The following FAT3 variants were observed in gnomAD, a reference collection of about 807,000 sequenced individuals.
FAT3 encodes the protein FAT atypical cadherin 3.
In FAT3, 95 loss-of-function variants were observed where a neutral mutation model predicts 310.2. The observed-to-expected ratio is 0.31, with a 90% CI of 0.26 to 0.36. The LOEUF (loss-of-function observed/expected upper bound fraction) is 0.36. Ranked by LOEUF, FAT3 falls within the 10% of genes least tolerant of loss-of-function variation. The pLI is 1.00. For synonymous variants in FAT3, 2,314 were observed against 2,192.9 expected (o/e 1.06, Z -1.54); for missense variants, 5,408 against 5,715.6 (o/e 0.95, Z 1.74).
chr11:92,764,827 T>C, intron 5 of FAT3, 52 bp from the exon 6 acceptor site: 2 of 1,552,686 alleles, frequency 1.3e-6, no homozygotes, highest in Admixed American at 1.8e-5. Context: ...ATCCAAACTC[T>C]ACAACAATCA....
At chr11:92,885,648 A>C (rs1949779074) in intron 24 of FAT3, among the ~76,000 whole-genome samples, 1 of 152,158 alleles carries the variant, frequency 6.6e-6, no homozygotes, top group African/African-American at 2.4e-5. Flanking sequence ...TTGCCAATCC[A>C]CTAGCTAATA....
chr11:92,857,133 C>G, intron 19 of FAT3, 81 bp from the exon 20 acceptor site: 1 of 1,604,386 alleles, frequency 6.2e-7, no homozygotes, highest in Non-Finnish European at 8.5e-7. Context: ...TGTGTGTTCC[C>G]TTTGAACCTT....
At chr11:92,722,848 T>C (rs1385790862) in intron 4 of FAT3, among the ~76,000 whole-genome samples, 1 of 152,168 alleles carries the variant, frequency 6.6e-6, no homozygotes, top group East Asian at 1.9e-4. Context: ...CAGCCATGGC[T>C]AGGGTGGCTA....
intron 3 of FAT3, among the ~76,000 whole-genome samples, chr11:92,695,345 C>T (rs947475966): frequency 6.6e-6 from 1 of 152,010 alleles, no homozygotes; most frequent in Non-Finnish European, 1.5e-5. Context: ...TTTTACGTTT[C>T]CCTGGTGATT....
In FAT3 at chr11:92,730,041, A is replaced by C. The variant is rs182537318; in HGVS notation, c.3670-31815A>C. On this transcript the variant is annotated intron_variant, in intron 4 of 27. Transcript: ENST00000525166. ...ATAAAACATACATAACATATATAAA[A>C]ATTGATTAAAATTAATGTATTTGGG... Among the ~76,000 whole-genome samples the C allele has an allele frequency of 3.0e-3, 459 of 152,194 alleles. 3 individuals carry two copies. Among genetic ancestry groups the C allele is most frequent in the African/African-American group, 0.01 (428 of 41,512 alleles).
intron 2 of FAT3, among the ~76,000 whole-genome samples, chr11:92,445,252 C>T (rs1951182429): frequency 6.6e-6 from 1 of 152,158 alleles, no homozygotes; most frequent in South Asian, 2.1e-4. Context: ...AGCTCTCAAG[C>T]CCAGCTGTGT....
Position 92,354,751 on chromosome 11 carries a change from A to T in FAT3, c.2639A>T (p.Asn880Ile). The change falls in exon 2 of 28, where the codon AAT (asparagine) becomes ATT (isoleucine). Residue 880 changes from asparagine to isoleucine, a missense_variant. Physicochemically the swap from Asn to Ile is moderately radical, Grantham distance 149 (BLOSUM62 -3). Transcript: ENST00000525166. ...ACAGATACACAGCAGTTTGCCATCA[A>T]TAGCTCAACTGGAATCGTTTATGTA... is the stretch of plus-strand genomic sequence containing the variant. ...VLTDTQQFAI[N>I]SSTGIVYVAD... 1 of 1,613,960 alleles carries T rather than the reference A, an allele frequency of 6.2e-7. No homozygotes were observed. Among genetic ancestry groups the T allele is most frequent in the Non-Finnish European group, 8.5e-7 (1 of 1,179,874 alleles).
chr11:92,659,562 T>C (rs1942702830), intron 3 of FAT3, among the ~76,000 whole-genome samples: 1 of 152,212 alleles, frequency 6.6e-6, no homozygotes, highest in Non-Finnish European at 1.5e-5. Context: ...ATTATCCCTA[T>C]TTTGCAGATG....
In FAT3 at chr11:92,892,074, A is replaced by G. The variant is rs1949927712; in HGVS notation, c.*961A>G. The G allele has an allele frequency of 6.6e-6, 1 of 152,260 alleles. No individual in the cohort carries two copies. The highest frequency in any genetic ancestry group is 2.1e-4 in the South Asian group (1 of 4,832). The allele number at this position is 152,260 out of a possible 1,614,324, so 9.4% of individuals were successfully genotyped here. On this transcript the variant is annotated 3_prime_UTR_variant, in exon 28 of 28. Transcript: ENST00000525166. ...AGATAATCACAATTCTTCATAATGC[A>G]GAGGAAAGGTGTCTGTTATTCTAAA...
intron 3 of FAT3, among the ~76,000 whole-genome samples, chr11:92,680,381 A>G (rs1208028130): frequency 6.6e-6 from 1 of 152,160 alleles, no homozygotes; most frequent in Non-Finnish European, 1.5e-5. Context: ...TTCTCAATGT[A>G]TGTTCTTGTC....
chr11:92,764,049 T>C lies in FAT3; in HGVS notation c.3985-830T>C, dbSNP rs559738312. ...TTTAAAAATTTATTTTTATTTTTGT[T>C]TTGCTTTGGCTTTTGCTTCTTGAAG... On this transcript the variant is annotated intron_variant, in intron 5 of 27. Transcript: ENST00000525166. Among the ~76,000 whole-genome samples, 69 of 152,268 alleles carry C rather than the reference T, an allele frequency of 4.5e-4. 1 individual carries two copies. In the South Asian group the frequency reaches 0.014, roughly 31 times the overall value.
At chr11:92,715,739 G>C (rs1250892560) in intron 4 of FAT3, among the ~76,000 whole-genome samples, 2 of 152,142 alleles carry the variant, frequency 1.3e-5, no homozygotes, top group Non-Finnish European at 2.9e-5. Flanking sequence ...GTGCTATAAA[G>C]TTAATGGCTG....
chr11:92,609,515 A>G (rs1476523888), intron 3 of FAT3, among the ~76,000 whole-genome samples: 1 of 152,240 alleles, frequency 6.6e-6, no homozygotes, highest in Non-Finnish European at 1.5e-5. Flanking sequence ...TTTTGAATTT[A>G]TGAAAAACAA....
chr11:92,771,420 T>A (rs1303747114), intron 6 of FAT3, among the ~76,000 whole-genome samples: 1 of 150,924 alleles, frequency 6.6e-6, no homozygotes, highest in African/African-American at 2.4e-5. Context: ...GCTTAAGTGG[T>A]AGGTTATTAA....
chr11:92,474,633 G>A (rs1020520482), intron 2 of FAT3, among the ~76,000 whole-genome samples: 6 of 152,168 alleles, frequency 3.9e-5, no homozygotes, highest in East Asian at 1.9e-4. Context: ...GGAGACTCCA[G>A]GAGCTCAGAG....
In FAT3 at chr11:92,774,494, A is replaced by G. The variant is rs917075171; in HGVS notation, c.4335+314A>G. Among the ~76,000 whole-genome samples the G allele has an allele frequency of 1.4e-4, 21 of 152,212 alleles. 1 individual carries two copies. The highest frequency in any genetic ancestry group is 6.5e-5 in the Admixed American group (1 of 15,288). On this transcript the variant is annotated intron_variant, in intron 7 of 27. Transcript: ENST00000525166. ...TCCTTGAATTTACAAAGAGGAGGAC[A>G]TCTATATTGCTTGAGTTAACACACC...
intron 4 of FAT3, among the ~76,000 whole-genome samples, chr11:92,731,721 G>T (rs1037804365): frequency 6.6e-6 from 1 of 151,072 alleles, no homozygotes; most frequent in Non-Finnish European, 1.5e-5. Flanking sequence ...AAGCCCTTAA[G>T]GCAGTAAGAA....
intron 2 of FAT3, among the ~76,000 whole-genome samples, chr11:92,434,402 C>T (rs568208612): frequency 5.3e-5 from 8 of 152,288 alleles, no homozygotes; most frequent in African/African-American, 1.9e-4. Flanking sequence ...TAAATATGCT[C>T]TTCATCCATT....
chr11:92,354,263 A>C lies in FAT3; in HGVS notation c.2151A>C (p.Ser717=). Residue 717 remains serine, a synonymous_variant, in exon 2 of 28, where the codon TCA becomes TCC. Coordinates refer to ENST00000525166, the MANE Select transcript of FAT3 (RefSeq NM_001367949.2). The stretch of plus-strand genomic sequence containing the variant: ...AAGATGGATTTCTTGACTTTTATTC[A>C]ATTAATAGACAGGGACCATATTTTG... ...NLEDGFLDFY[S]INRQGPYFDK... 1 of 1,613,712 alleles carries C rather than the reference A, an allele frequency of 6.2e-7. No individual in the cohort carries two copies. The highest frequency in any genetic ancestry group is 8.5e-7 in the Non-Finnish European group (1 of 1,179,860).
Sources: allele counts gnomAD v4.1 joint callset (sites outside exome capture counted in the v4.1 genomes callset), GRCh38; gene constraint gnomAD v4.1.1; transcripts MANE v1.5; gene names NCBI Gene and HGNC (gene_info 2026-07-23, HGNC 2026-07-21).